TRPM3: variants seen among roughly 807,000 people sequenced by gnomAD.
TRPM3 encodes long transient receptor potential channel 3.
In TRPM3, 77 loss-of-function variants were observed where a neutral mutation model predicts 181.2. That is an observed-to-expected ratio of 0.42 (90% CI 0.35 to 0.51). TRPM3 has a LOEUF of 0.51. TRPM3 is among the 20% of genes least tolerant of loss of function. TRPM3 has a pLI of 0.01. For synonymous variants in TRPM3, 745 were observed against 796.4 expected, an observed-to-expected ratio of 0.94 and a Z score of 1.09; for missense variants, 1,759 against 2,196.7, an observed-to-expected ratio of 0.80 and a Z score of 3.98.
intron 4 of TRPM3, among the ~76,000 whole-genome samples, chr9:70,843,758 T>G (rs1424692716): frequency 1.3e-5 from 2 of 151,112 alleles, no homozygotes; most frequent in Non-Finnish European, 2.9e-5. Context: ...AAATTCAGTT[T>G]ACAAGATGTT....
intron 1 of TRPM3, among the ~76,000 whole-genome samples, chr9:71,240,983 C>G (rs10868993): frequency 1.3e-5 from 2 of 151,992 alleles, no homozygotes; most frequent in African/African-American, 2.4e-5. Flanking sequence ...ACAACTCTTA[C>G]GAACATTATG....
intron 1 of TRPM3, among the ~76,000 whole-genome samples, chr9:70,942,770 T>C (rs1007560779): frequency 2.0e-5 from 3 of 152,134 alleles, no homozygotes; most frequent in Admixed American, 6.5e-5. Context: ...CATAAATGGA[T>C]AGCTTTGACC....
chr9:71,254,219 G>T (rs2082533298), intron 1 of TRPM3, among the ~76,000 whole-genome samples: 1 of 152,020 alleles, frequency 6.6e-6, no homozygotes, highest in Non-Finnish European at 1.5e-5. Flanking sequence ...CGCCTGGCTG[G>T]ATAACATTAT....
At chr9:71,147,159 G>A (rs987569978) in intron 1 of TRPM3, among the ~76,000 whole-genome samples, 1 of 152,016 alleles carries the variant, frequency 6.6e-6, no homozygotes, top group African/African-American at 2.4e-5. Context: ...GTTTGAGTAG[G>A]GTTTTAGTCA....
At chr9:70,974,795 T>C (rs2097286285) in intron 1 of TRPM3, among the ~76,000 whole-genome samples, 1 of 151,078 alleles carries the variant, frequency 6.6e-6, no homozygotes, top group South Asian at 2.1e-4. Context: ...TTACACAAAA[T>C]TGGAGTTATT....
At chr9:71,133,048 A>G (rs1357259695) in intron 1 of TRPM3, among the ~76,000 whole-genome samples, 1 of 152,094 alleles carries the variant, frequency 6.6e-6, no homozygotes, top group Non-Finnish European at 1.5e-5. Context: ...TCATGAATAT[A>G]TTTTCAGGCT....
At chr9:70,940,448 T>G (rs1247482998) in intron 1 of TRPM3, among the ~76,000 whole-genome samples, 1 of 152,218 alleles carries the variant, frequency 6.6e-6, no homozygotes, top group African/African-American at 2.4e-5. Context: ...CTCTTTCAAT[T>G]TCTTGCTCTT....
At chr9:70,834,599 T>A (rs2094177586) in intron 5 of TRPM3, among the ~76,000 whole-genome samples, 1 of 152,174 alleles carries the variant, frequency 6.6e-6, no homozygotes, top group East Asian at 1.9e-4. Context: ...TAAAAGGGTT[T>A]CTCTTAGCTC....
At position 70,534,120 on chromosome 9, in the gene TRPM3, A is replaced by G. The variant is rs2041262700; in HGVS notation, c.*1833T>C. 6.6e-6 allele frequency: 1 copy of G among 152,188 alleles called. No individual in the cohort carries two copies. The highest frequency in any genetic ancestry group is 1.5e-5 in the Non-Finnish European group (1 of 68,030). The allele number at this position is 152,188 out of a possible 1,614,324, so 9.4% of individuals were successfully genotyped here. The stretch of plus-strand genomic sequence containing the variant: ...TCAAGATTTCTTTATCCCACTTCCA[A>G]TCCAGATTCTGATCTAGAAGATTAT... On this transcript the variant is annotated 3_prime_UTR_variant, in exon 26 of 26. Coordinates refer to ENST00000677713, the MANE Select transcript of TRPM3 (RefSeq NM_001366145.2).
chr9:70,758,379 C>T (rs1295226344), intron 8 of TRPM3, among the ~76,000 whole-genome samples: 1 of 152,132 alleles, frequency 6.6e-6, no homozygotes, highest in Non-Finnish European at 1.5e-5. Flanking sequence ...TAGGAAGAAT[C>T]AATATTGTGA....
chr9:71,305,995 T>C (rs768675991), intron 1 of TRPM3, among the ~76,000 whole-genome samples: 1 of 152,148 alleles, frequency 6.6e-6, no homozygotes, highest in Non-Finnish European at 1.5e-5. Context: ...CACTAAACTT[T>C]CCCATTCTCT....
intron 1 of TRPM3, among the ~76,000 whole-genome samples, chr9:71,178,694 G>A (rs1474982076): frequency 4.6e-5 from 7 of 152,138 alleles, no homozygotes; most frequent in African/African-American, 1.7e-4. Flanking sequence ...ATTCTGAGAA[G>A]ATGAATAATA....
chr9:70,942,300 G>A (rs1047658314), intron 1 of TRPM3, among the ~76,000 whole-genome samples: 14 of 152,126 alleles, frequency 9.2e-5, no homozygotes, highest in South Asian at 2.1e-4. Context: ...AACACACACC[G>A]TTGAATTAAT....
chr9:70,602,271 A>G (rs1255431156), intron 20 of TRPM3, among the ~76,000 whole-genome samples: 2 of 152,178 alleles, frequency 1.3e-5, no homozygotes, highest in East Asian at 3.8e-4. Context: ...TATGATCCCA[A>G]TACAACTGCA....
At chr9:70,629,108 T>C (rs1273688852) in intron 12 of TRPM3, among the ~76,000 whole-genome samples, 1 of 150,644 alleles carries the variant, frequency 6.6e-6, no homozygotes, top group African/African-American at 2.5e-5. Context: ...CGGTATATAT[T>C]GGCAAGCAAG....
chr9:71,416,916 G>C (rs2093644696), intron 1 of TRPM3, among the ~76,000 whole-genome samples: 1 of 151,920 alleles, frequency 6.6e-6, no homozygotes, highest in Non-Finnish European at 1.5e-5. Flanking sequence ...CATATAAATA[G>C]AATCATACAA....
intron 1 of TRPM3, among the ~76,000 whole-genome samples, chr9:71,219,810 C>T (rs1285036084): frequency 6.6e-6 from 1 of 152,152 alleles, no homozygotes; most frequent in African/African-American, 2.4e-5. Context: ...TGGGACAACG[C>T]ATTCAAGTCA....
At chr9:70,862,771 C>T (rs1265698277) in intron 3 of TRPM3, 137 bp downstream of exon 3, 5 of 804,588 alleles carry the variant, frequency 6.2e-6, no homozygotes, top group Non-Finnish European at 1.0e-5. Context: ...GCAGGGGACT[C>T]AGAGCAGGTC....
upstream of TRPM3, among the ~76,000 whole-genome samples, chr9:71,125,972 T>C (rs1002736726): frequency 7.9e-5 from 12 of 152,128 alleles, no homozygotes; most frequent in Admixed American, 2.6e-4. Flanking sequence ...AATCTATCCA[T>C]CTGACAGAGG....
Sources: allele counts gnomAD v4.1 joint callset (sites outside exome capture counted in the v4.1 genomes callset), GRCh38; gene constraint gnomAD v4.1.1; transcripts MANE v1.5; gene names NCBI Gene and HGNC (gene_info 2026-07-23, HGNC 2026-07-21).